Variants in MAGI2 observed in about 807,000 individuals in gnomAD.
The protein encoded by MAGI2 is membrane associated guanylate kinase, WW and PDZ domain containing 2.
A neutral mutation model predicts 133.3 loss-of-function variants in MAGI2; 35 were observed. The ratio of observed to expected loss-of-function variants is 0.26; its 90% CI spans 0.20 to 0.35. MAGI2 has a LOEUF of 0.35. Ranked by LOEUF, MAGI2 falls within the 10% of genes least tolerant of loss-of-function variation. The pLI, the probability that MAGI2 is intolerant of heterozygous loss-of-function variation, is 1.00. For missense variants in MAGI2, 1,636 were observed against 1,863.4 expected (o/e 0.88, Z 2.25); for synonymous variants, 729 against 710.6 (o/e 1.03, Z -0.41).
At chr7:78,754,373 A>AAG (rs1563457889) in intron 2 of MAGI2, among the ~76,000 whole-genome samples, 1 of 72,944 alleles carries the variant, frequency 1.4e-5, no homozygotes, top group Non-Finnish European at 3.6e-5. Flanking sequence ...CCTGTCTCAA[A>AAG]TAAATAAATA....
chr7:78,826,279 G>A (rs767781327), intron 2 of MAGI2, among the ~76,000 whole-genome samples: 18 of 151,110 alleles, frequency 1.2e-4, no homozygotes, highest in Non-Finnish European at 2.5e-4. Context: ...GCATGAACCC[G>A]GGAGGCGGAG....
At chr7:78,318,139 A>G (rs1327383495) in intron 9 of MAGI2, among the ~76,000 whole-genome samples, 1 of 152,202 alleles carries the variant, frequency 6.6e-6, no homozygotes, top group Non-Finnish European at 1.5e-5. Flanking sequence ...AATTGACAGA[A>G]GTAGGCTTCA....
chr7:79,412,876 C>T (rs2129172561), intron 1 of MAGI2: 1 of 152,204 alleles, frequency 6.6e-6, no homozygotes, highest in African/African-American at 2.4e-5. Flanking sequence ...AGGGAACAGC[C>T]AAAATTAAAA....
intron 21 of MAGI2, among the ~76,000 whole-genome samples, chr7:78,037,480 C>T (rs1810353919): frequency 6.6e-6 from 1 of 152,190 alleles, no homozygotes; most frequent in African/African-American, 2.4e-5. Context: ...CGAACAGTCC[C>T]AGAATTCCTT....
In MAGI2 at chr7:78,019,458, G is replaced by A. The variant is rs1808075998; in HGVS notation, c.4225C>T (p.Arg1409Cys). Residue 1409 changes from arginine (R) to cysteine (C), a missense_variant, in exon 22 of 22, where the codon CGC (arginine) becomes TGC (cysteine). Physicochemically the swap from Arg to Cys is radical, Grantham distance 180. Transcript: ENST00000354212. ...CGCGGGCCCGGCCGGGGACCCGCGC[G>A]CGCACCCGCCCTGCCCTCGGCCTCC... is the stretch of plus-strand genomic sequence containing the variant. ...ALEAEGRAGA[R>C]AGPRPGPRPP... The A allele has an allele frequency of 2.0e-6, 2 of 982,190 alleles. No homozygotes were observed. Among genetic ancestry groups the A allele is most frequent in the African/African-American group, 1.8e-5 (1 of 56,524 alleles). 60.8% of individuals were successfully genotyped at this position (982,190 alleles called of 1,614,324 possible).
intron 9 of MAGI2, among the ~76,000 whole-genome samples, chr7:78,285,002 A>G (rs1331864830): frequency 6.6e-6 from 1 of 152,192 alleles, no homozygotes; most frequent in Non-Finnish European, 1.5e-5. Context: ...GCTGAAGGAT[A>G]AATAAGGGCT....
At chr7:78,096,632 G>GT (rs1244337441) in intron 20 of MAGI2, among the ~76,000 whole-genome samples, 1 of 152,036 alleles carries the variant, frequency 6.6e-6, no homozygotes, top group Non-Finnish European at 1.5e-5. Context: ...CCCAGTGCTT[G>GT]TTTTTTTAAG....
intron 3 of MAGI2, among the ~76,000 whole-genome samples, chr7:78,581,385 A>G (rs1802820661): frequency 6.6e-6 from 1 of 152,188 alleles, no homozygotes; most frequent in Non-Finnish European, 1.5e-5. Context: ...ATTCATTTTT[A>G]TCCATTCAAG....
At chr7:79,171,680 T>G (rs935375704) in intron 1 of MAGI2, among the ~76,000 whole-genome samples, 29 of 143,970 alleles carry the variant, frequency 2.0e-4, no homozygotes, top group African/African-American at 6.5e-4. Context: ...TAAAAATAGA[T>G]AGTAAGTAAT....
intron 1 of MAGI2, among the ~76,000 whole-genome samples, chr7:79,073,610 G>A (rs1325184300): frequency 6.6e-6 from 1 of 151,458 alleles, no homozygotes; most frequent in East Asian, 1.9e-4. Flanking sequence ...TTCTATTCTT[G>A]CTCCTCTCAA....
At chr7:79,336,240 T>C (rs1205032141) in intron 1 of MAGI2, among the ~76,000 whole-genome samples, 1 of 152,012 alleles carries the variant, frequency 6.6e-6, no homozygotes, top group Admixed American at 6.6e-5. Context: ...TGAACTGAGG[T>C]TCAGGGAGGT....
chr7:78,491,362 T>G (rs1259496126), intron 5 of MAGI2, among the ~76,000 whole-genome samples: 1 of 152,116 alleles, frequency 6.6e-6, no homozygotes, highest in Non-Finnish European at 1.5e-5. Context: ...TATCTTTAAT[T>G]TGAGAACTGT....
intron 2 of MAGI2, among the ~76,000 whole-genome samples, chr7:78,938,065 A>C (rs1800657817): frequency 6.6e-6 from 1 of 152,130 alleles, no homozygotes; most frequent in Non-Finnish European, 1.5e-5. Flanking sequence ...AATATAAGTG[A>C]CTGTTAAATC....
chr7:79,000,732 A>G (rs1448383923), intron 2 of MAGI2, among the ~76,000 whole-genome samples: 1 of 152,214 alleles, frequency 6.6e-6, no homozygotes, highest in Non-Finnish European at 1.5e-5. Flanking sequence ...AAGATATATT[A>G]GAAACTTTAC....
At chr7:78,921,462 C>T (rs1799217122) in intron 2 of MAGI2, among the ~76,000 whole-genome samples, 1 of 152,098 alleles carries the variant, frequency 6.6e-6, no homozygotes, top group South Asian at 2.1e-4. Flanking sequence ...AAATACGGCT[C>T]TTCTGTAGAT....
chr7:79,404,172 A>G (rs1033661509), intron 1 of MAGI2, among the ~76,000 whole-genome samples: 7 of 152,096 alleles, frequency 4.6e-5, no homozygotes, highest in African/African-American at 1.7e-4. Flanking sequence ...TTCACTCCTA[A>G]TTTTTCTACC....
intron 1 of MAGI2, among the ~76,000 whole-genome samples, chr7:79,322,788 AAAAAAG>A (rs200744790): frequency 0.13 from 19,032 of 149,724 alleles, 1,182 homozygotes; most frequent in South Asian, 0.25. Context: ...TCAAAAAAAA[AAAAAAG>A]AAAAAGAAAA....
chr7:78,660,178 G>A (rs1004465753), intron 2 of MAGI2, among the ~76,000 whole-genome samples: 1 of 151,902 alleles, frequency 6.6e-6, no homozygotes, highest in African/African-American at 2.4e-5. Flanking sequence ...TGTAAATGAC[G>A]AGTTAATGGG....
At chr7:78,328,644 A>C (rs1219941594) in intron 9 of MAGI2, among the ~76,000 whole-genome samples, 1 of 152,132 alleles carries the variant, frequency 6.6e-6, no homozygotes, top group Non-Finnish European at 1.5e-5. Context: ...TCTGAAAAAA[A>C]TGCCAATGTT....
Sources: gnomAD v4.1 joint callset for allele counts (sites outside exome capture counted in the v4.1 genomes callset) on GRCh38, gnomAD v4.1.1 for gene constraint, MANE v1.5 for transcripts, NCBI Gene and HGNC (gene_info 2026-07-23, HGNC 2026-07-21) for gene names.